CCSER1: variants seen among roughly 807,000 people sequenced by gnomAD.
CCSER1 encodes serine-rich coiled-coil domain-containing protein 1.
CCSER1 carries 41 observed loss-of-function variants against 82.0 expected under a neutral mutation model. The observed-to-expected ratio is 0.50, with a 90% CI of 0.39 to 0.65. CCSER1 has a LOEUF of 0.65. Among genes scored for constraint, CCSER1 ranks in the 30% least tolerant of loss-of-function variants. The pLI is 0.00. For synonymous variants in CCSER1, 414 were observed against 383.9 expected, an observed-to-expected ratio of 1.08 and a Z score of -0.92; for missense variants, 1,119 against 1,064.2, an observed-to-expected ratio of 1.05 and a Z score of -0.72.
At chr4:90,316,216 C>T (rs531759445) in intron 3 of CCSER1, among the ~76,000 whole-genome samples, 2 of 152,250 alleles carry the variant, frequency 1.3e-5, no homozygotes, top group Non-Finnish European at 2.9e-5. Flanking sequence ...AGAAGATAAG[C>T]AGGTTGCCTA....
intron 10 of CCSER1, among the ~76,000 whole-genome samples, chr4:91,482,575 C>A (rs1426655062): frequency 6.6e-6 from 1 of 151,892 alleles, no homozygotes; most frequent in Non-Finnish European, 1.5e-5. Context: ...ACCATTTGAC[C>A]CAGCCATCCC....
At chr4:91,572,822 A>G (rs1315482374) in intron 10 of CCSER1, among the ~76,000 whole-genome samples, 2 of 151,950 alleles carry the variant, frequency 1.3e-5, no homozygotes, top group Admixed American at 1.3e-4. Context: ...AAAAAAAAAA[A>G]AAAGAAGAAG....
intron 7 of CCSER1, among the ~76,000 whole-genome samples, chr4:90,786,509 TA>T (rs10715609): frequency 0.53 from 80,551 of 151,966 alleles, 21,957 homozygotes; most frequent in African/African-American, 0.65. Flanking sequence ...GTTTAGAAAT[TA>T]AAAAAAATTA....
At chr4:90,649,938 C>T (rs996806815) in intron 6 of CCSER1, among the ~76,000 whole-genome samples, 1 of 152,080 alleles carries the variant, frequency 6.6e-6, no homozygotes, top group African/African-American at 2.4e-5. Flanking sequence ...AACCCCATCT[C>T]TGCTAAACAA....
intron 10 of CCSER1, among the ~76,000 whole-genome samples, chr4:91,368,814 G>A (rs1001597481): frequency 2.0e-5 from 3 of 152,092 alleles, no homozygotes; most frequent in Non-Finnish European, 2.9e-5. Flanking sequence ...CTGTAAATCA[G>A]TTTCTATATT....
chr4:91,314,329 C>T (rs1388271944), intron 10 of CCSER1, among the ~76,000 whole-genome samples: 1 of 151,976 alleles, frequency 6.6e-6, no homozygotes, highest in Admixed American at 6.6e-5. Context: ...ATATCTTCCT[C>T]ATACTTTGCA....
intron 8 of CCSER1, among the ~76,000 whole-genome samples, chr4:90,837,035 T>G (rs925572935): frequency 2.0e-5 from 3 of 152,190 alleles, no homozygotes; most frequent in Admixed American, 6.5e-5. Context: ...TGAATCATCT[T>G]TCTACTATCT....
chr4:91,293,123 G>C (rs185016934), intron 10 of CCSER1, among the ~76,000 whole-genome samples: 409 of 151,892 alleles, frequency 2.7e-3, no homozygotes, highest in South Asian at 0.018. Flanking sequence ...AAAATCTGGA[G>C]ACAAAAAAAA....
chr4:91,417,008 G>GA (rs1198351522), intron 10 of CCSER1, among the ~76,000 whole-genome samples: 1 of 151,686 alleles, frequency 6.6e-6, no homozygotes, highest in South Asian at 2.1e-4. Context: ...AAATTTACAA[G>GA]AAAAAAACTG....
intron 10 of CCSER1, among the ~76,000 whole-genome samples, chr4:91,530,267 T>C (rs1760955984): frequency 6.6e-6 from 1 of 152,092 alleles, no homozygotes; most frequent in African/African-American, 2.4e-5. Context: ...AATAAGTTAA[T>C]ACATTTTAAT....
rs139233411 is a variant in CCSER1 at position 90,589,788 on chromosome 4, A to T, written c.1725-38237A>T. ...TCTCTTTCAGAGAATTCTAAAAAAA[A>T]ATCACATTCTATTTAAACTAGAAAC... is the stretch of plus-strand genomic sequence containing the variant. On this transcript the variant is annotated intron_variant, in intron 5 of 10. Transcript: ENST00000509176. Among the ~76,000 whole-genome samples the T allele has an allele frequency of 3.8e-3, 586 of 152,330 alleles. 4 individuals are homozygous for T. The highest frequency in any genetic ancestry group is 0.013 in the African/African-American group (558 of 41,566).
At position 91,234,146 on chromosome 4, in the gene CCSER1, A is replaced by C. The variant is rs72875200; in HGVS notation, c.2217+148152A>C. ...CACCTTGAATTTTTGATTGCGTAAAATCCATTTGTCAGAAGAGCCCTCAGA... is the reference window on the plus strand; with the variant it reads ...CACCTTGAATTTTTGATTGCGTAAACTCCATTTGTCAGAAGAGCCCTCAGA... On this transcript the variant is annotated intron_variant, in intron 10 of 10. Transcript: ENST00000509176. 6.4e-3 allele frequency among the ~76,000 whole-genome samples: 978 copies of C among 152,136 alleles called. 10 individuals carry two copies. The highest frequency in any genetic ancestry group is 0.022 in the African/African-American group (912 of 41,566).
intron 8 of CCSER1, among the ~76,000 whole-genome samples, chr4:90,848,710 A>G (rs1171099638): frequency 2.0e-5 from 3 of 152,176 alleles, no homozygotes; most frequent in Non-Finnish European, 4.4e-5. Flanking sequence ...CTCACTTTCA[A>G]GTGTAATAAT....
At chr4:90,600,002 C>A (rs1311897545) in intron 5 of CCSER1, among the ~76,000 whole-genome samples, 1 of 152,154 alleles carries the variant, frequency 6.6e-6, no homozygotes, top group Non-Finnish European at 1.5e-5. Flanking sequence ...TTTCACTTAA[C>A]ATAATTATTT....
intron 10 of CCSER1, among the ~76,000 whole-genome samples, chr4:91,478,903 AAAT>A (rs1478883270): frequency 5.9e-5 from 9 of 151,954 alleles, no homozygotes; most frequent in South Asian, 2.1e-4. Context: ...TTACTCTGTA[AAAT>A]AATGTTATAT....
At chr4:90,813,612 A>T (rs2149754886) in intron 7 of CCSER1, among the ~76,000 whole-genome samples, 1 of 152,188 alleles carries the variant, frequency 6.6e-6, no homozygotes, top group East Asian at 1.9e-4. Flanking sequence ...TGATGGGTTC[A>T]TCAGGGGTTT....
At chr4:90,822,782 A>G (rs1434177231) in intron 8 of CCSER1, among the ~76,000 whole-genome samples, 1 of 151,714 alleles carries the variant, frequency 6.6e-6, no homozygotes, top group African/African-American at 2.4e-5. Context: ...CAAATGGGTC[A>G]CCGGAAAAAC....
chr4:90,154,109 T>C (rs1207192784), intron 1 of CCSER1, among the ~76,000 whole-genome samples: 1 of 152,216 alleles, frequency 6.6e-6, no homozygotes, highest in African/African-American at 2.4e-5. Context: ...TAGCCAGTTT[T>C]CCTAGCACCA....
chr4:90,132,874 A>G (rs1723038222), intron 1 of CCSER1, among the ~76,000 whole-genome samples: 1 of 152,226 alleles, frequency 6.6e-6, no homozygotes, highest in Admixed American at 6.5e-5. Flanking sequence ...TTTGATACTA[A>G]ATACAGTCCA....
Sources: allele counts gnomAD v4.1 joint callset (sites outside exome capture counted in the v4.1 genomes callset), GRCh38; gene constraint gnomAD v4.1.1; transcripts MANE v1.5; gene names NCBI Gene and HGNC (gene_info 2026-07-23, HGNC 2026-07-21).